The following SLC9A9 variants were observed in gnomAD, a reference collection of about 807,000 sequenced individuals.
SLC9A9 encodes sodium/hydrogen exchanger 9.
A neutral mutation model predicts 77.8 loss-of-function variants in SLC9A9; 62 were observed. The ratio of observed to expected loss-of-function variants is 0.80; its 90% CI spans 0.65 to 0.98. SLC9A9 has a LOEUF of 0.98. Ranked by LOEUF, SLC9A9 falls within the 50% of genes least tolerant of loss-of-function variation. SLC9A9 has a pLI of 0.00. For synonymous variants in SLC9A9, 320 were observed against 283.5 expected, an observed-to-expected ratio of 1.13 and a Z score of -1.29; for missense variants, 775 against 774.9, an observed-to-expected ratio of 1.00 and a Z score of 0.00.
At chr3:143,433,901 C>A (rs1202764490) in intron 12 of SLC9A9, among the ~76,000 whole-genome samples, 1 of 152,086 alleles carries the variant, frequency 6.6e-6, no homozygotes, top group Non-Finnish European at 1.5e-5. Context: ...TCTTCTATAC[C>A]TTTGCATGCC....
chr3:143,319,721 A>T (rs1412054497), intron 14 of SLC9A9, among the ~76,000 whole-genome samples: 1 of 152,238 alleles, frequency 6.6e-6, no homozygotes, highest in African/African-American at 2.4e-5. Context: ...AAGGATAGAC[A>T]TACTGGGGAG....
chr3:143,707,651 T>G (rs1263747344), intron 4 of SLC9A9, among the ~76,000 whole-genome samples: 5 of 152,188 alleles, frequency 3.3e-5, no homozygotes, highest in Admixed American at 3.3e-4. Flanking sequence ...ATCTATTAGA[T>G]ATTCCCTTTG....
chr3:143,624,965 CA>C (rs1441149515), intron 6 of SLC9A9, among the ~76,000 whole-genome samples: 1 of 152,074 alleles, frequency 6.6e-6, no homozygotes, highest in African/African-American at 2.4e-5. Flanking sequence ...TCTTATACAC[CA>C]ATAACAGACA....
At chr3:143,290,691 C>T (rs1205750988) in intron 14 of SLC9A9, among the ~76,000 whole-genome samples, 1 of 152,194 alleles carries the variant, frequency 6.6e-6, no homozygotes, top group African/African-American at 2.4e-5. Flanking sequence ...TGTTCCATGG[C>T]AGACAACTAC....
intron 12 of SLC9A9, among the ~76,000 whole-genome samples, chr3:143,450,827 A>T (rs2108555924): frequency 6.6e-6 from 1 of 152,336 alleles, no homozygotes; most frequent in East Asian, 1.9e-4. Flanking sequence ...GTAGGTGAAG[A>T]AATCCACAGC....
chr3:143,771,784 T>A (rs1342473943), intron 4 of SLC9A9, among the ~76,000 whole-genome samples: 1 of 152,230 alleles, frequency 6.6e-6, no homozygotes, highest in Non-Finnish European at 1.5e-5. Flanking sequence ...TCTTTTCTCC[T>A]CTTGTCATTA....
intron 4 of SLC9A9, among the ~76,000 whole-genome samples, chr3:143,699,339 A>G (rs1431771165): frequency 6.6e-6 from 1 of 152,192 alleles, no homozygotes; most frequent in African/African-American, 2.4e-5. Flanking sequence ...CACAAAAAAA[A>G]AGCAACTTAA....
chr3:143,795,296 A>C (rs1329265726), intron 3 of SLC9A9, among the ~76,000 whole-genome samples: 2 of 150,932 alleles, frequency 1.3e-5, no homozygotes, highest in East Asian at 1.9e-4. Flanking sequence ...AAAAAAAAAA[A>C]AAAACCCACT....
intron 14 of SLC9A9, among the ~76,000 whole-genome samples, chr3:143,271,390 C>G (rs7643131): frequency 0.17 from 25,285 of 152,196 alleles, 5,749 homozygotes; most frequent in African/African-American, 0.51. Flanking sequence ...GTTACTTATC[C>G]TCTGAGCCTC....
At chr3:143,454,411 G>A (rs1355591474) in intron 12 of SLC9A9, among the ~76,000 whole-genome samples, 1 of 152,092 alleles carries the variant, frequency 6.6e-6, no homozygotes, top group African/African-American at 2.4e-5. Flanking sequence ...CTAATTCAAA[G>A]TCATAAATAC....
intron 8 of SLC9A9, among the ~76,000 whole-genome samples, chr3:143,561,958 C>G (rs1255204224): frequency 6.6e-6 from 1 of 152,170 alleles, no homozygotes; most frequent in Non-Finnish European, 1.5e-5. Context: ...TCAAGGAAAG[C>G]AGGTAGATAT....
intron 14 of SLC9A9, among the ~76,000 whole-genome samples, chr3:143,295,322 T>C (rs564674784): frequency 6.6e-6 from 1 of 152,350 alleles, no homozygotes; most frequent in Non-Finnish European, 1.5e-5. Context: ...CTCAAAGTTA[T>C]TTGCATGACT....
At chr3:143,517,766 G>A in intron 9 of SLC9A9, 9 of 1,598,264 alleles carry the variant, frequency 5.6e-6, no homozygotes, top group Admixed American at 1.7e-5. Context: ...GAAGACACTG[G>A]CCCTCTTGGC....
At chr3:143,401,564 A>G (rs2033862245) in intron 12 of SLC9A9, among the ~76,000 whole-genome samples, 1 of 152,184 alleles carries the variant, frequency 6.6e-6, no homozygotes, top group African/African-American at 2.4e-5. Flanking sequence ...AAATTTCTTA[A>G]GAAATCCATA....
At chr3:143,606,436 C>CTATA (rs60773685) in intron 6 of SLC9A9, among the ~76,000 whole-genome samples, 585 of 54,162 alleles carry the variant, frequency 0.011, 17 homozygotes, top group Middle Eastern at 0.013. Context: ...CTCTCTCTCT[C>CTATA]TATATATATA....
chr3:143,331,113 T>C (rs996619900), intron 14 of SLC9A9, among the ~76,000 whole-genome samples: 2 of 152,204 alleles, frequency 1.3e-5, no homozygotes. Context: ...ATGAACTATT[T>C]CTTCTGTATA....
At chr3:143,409,745 G>A (rs1399770876) in intron 12 of SLC9A9, among the ~76,000 whole-genome samples, 1 of 152,174 alleles carries the variant, frequency 6.6e-6, no homozygotes, top group African/African-American at 2.4e-5. Context: ...AGATTAACTT[G>A]GATAGAAGCA....
rs58960929 is a variant in SLC9A9, at chr3:143,806,740, G to GT, written c.379-9838_379-9837insA. Among the ~76,000 whole-genome samples the GT allele has an allele frequency of 3.5e-3, 525 of 151,704 alleles. 1 individual carries two copies. The highest frequency in any genetic ancestry group is 0.012 in the African/African-American group (498 of 41,402). On this transcript the variant is annotated intron_variant, in intron 2 of 15. Coordinates refer to ENST00000316549, the MANE Select transcript of SLC9A9 (RefSeq NM_173653.4). Reference sequence around the variant, plus strand: ...TGGGAAGGGTATTATGTGGTGGTGGGGGGGGCAAGTGGGGATTGTGAATGG... The same window carrying GT: ...TGGGAAGGGTATTATGTGGTGGTGGGTGGGGGCAAGTGGGGATTGTGAATGG...
At chr3:143,373,614 A>C (rs1474630568) in intron 13 of SLC9A9, among the ~76,000 whole-genome samples, 6 of 150,880 alleles carry the variant, frequency 4.0e-5, no homozygotes, top group Non-Finnish European at 4.4e-5. Context: ...GTAAAAAAAA[A>C]AAAAAAAAAA....
Sources: allele counts gnomAD v4.1 joint callset (sites outside exome capture counted in the v4.1 genomes callset), GRCh38; gene constraint gnomAD v4.1.1; transcripts MANE v1.5; gene names NCBI Gene and HGNC (gene_info 2026-07-23, HGNC 2026-07-21).